Variants in SEMA3F observed in about 807,000 individuals in gnomAD.
SEMA3F encodes the protein semaphorin-3F.
SEMA3F carries 30 observed loss-of-function variants against 98.5 expected under a neutral mutation model. The ratio of observed to expected loss-of-function variants is 0.30; its 90% CI spans 0.23 to 0.41. The LOEUF (loss-of-function observed/expected upper bound fraction) is 0.41, where lower values mean the gene tolerates loss of function less well. Ranked by LOEUF, SEMA3F falls within the 10% of genes least tolerant of loss-of-function variation. The pLI, the probability that SEMA3F is intolerant of heterozygous loss-of-function variation, is 1.00. For missense variants in SEMA3F, 866 were observed against 1,119.3 expected, an observed-to-expected ratio of 0.77 and a Z score of 3.23; for synonymous variants, 380 against 444.8, an observed-to-expected ratio of 0.85 and a Z score of 1.83.
At position 50,188,176 on chromosome 3, in the gene SEMA3F, T is replaced by TAG. The variant is rs952623392; in HGVS notation, c.*62_*63insGA. The TAG allele has an allele frequency of 6.1e-6, 2 of 326,736 alleles. No homozygotes were observed. The highest frequency in any genetic ancestry group is 9.8e-6 in the Non-Finnish European group (2 of 203,632). 20.2% of individuals were successfully genotyped at this position (326,736 alleles called of 1,614,324 possible). ...CCCTTGTCCCTTTTAATATAAAAGA[T>TAG]ATATATATATATATATATATATAAA... On this transcript the variant is annotated 3_prime_UTR_variant, in exon 19 of 19. Transcript: ENST00000002829. The surrounding 1 kb of genome is among the most constrained non-coding windows in gnomAD (Gnocchi z 4.5).
intron 2 of SEMA3F, among the ~76,000 whole-genome samples, chr3:50,169,994 G>A (rs141250546): frequency 1.3e-5 from 2 of 152,326 alleles, no homozygotes; most frequent in Non-Finnish European, 2.9e-5. Flanking sequence ...CCTCATGGTG[G>A]AGTGGGGAGC....
At chr3:50,175,921 G>T (rs1352950992) in intron 6 of SEMA3F, among the ~76,000 whole-genome samples, 1 of 152,142 alleles carries the variant, frequency 6.6e-6, no homozygotes, top group Non-Finnish European at 1.5e-5. Context: ...GTAGCTGGAA[G>T]TAGGCCTGTG....
At position 50,188,043 on chromosome 3, in the gene SEMA3F, G is replaced by A. The variant is rs374846142; in HGVS notation, c.2286G>A (p.Gly762=). 5.9e-5 allele frequency: 94 copies of A among 1,592,062 alleles called. No homozygotes were observed. In the African/African-American group the frequency reaches 1.1e-3, roughly 19 times the overall value. ...HVPPSPREAP[G]APRSPEPQDQ... is the part of the protein sequence containing the mutation. Reference sequence around the variant, plus strand: ...CCCCCAGCCCCAGGGAGGCTCCAGGGGCACCCCGGTCTCCTGAGCCCCAGG... The same window carrying A: ...CCCCCAGCCCCAGGGAGGCTCCAGGAGCACCCCGGTCTCCTGAGCCCCAGG... The change falls in exon 19 of 19, where the codon GGG becomes GGA. Residue 762 remains glycine, a synonymous_variant. Transcript: ENST00000002829. The surrounding 1 kb of genome is among the most constrained non-coding windows in gnomAD (Gnocchi z 4.5).
rs1480659538 is a variant in SEMA3F at position 50,184,691 on chromosome 3, G to T, written c.1333G>T (p.Val445Leu). 1 of 1,614,126 alleles carries T rather than the reference G, an allele frequency of 6.2e-7. No individual in the cohort carries two copies. The highest frequency in any genetic ancestry group is 1.7e-5 in the Admixed American group (1 of 60,020). Residue 445 changes from valine to leucine, a missense_variant, in exon 13 of 19, where the codon GTG becomes TTG. Coordinates refer to ENST00000002829, the MANE Select transcript of SEMA3F (RefSeq NM_004186.5). ...MRSHPLMYQAVYPLQRRPLVV... is the reference protein window; with the variant it reads ...MRSHPLMYQALYPLQRRPLVV... ...CAGCCACCCACTCATGTACCAGGCC[G>T]TGTACCCTCTGCAGCGGCGGCCCCT... is the stretch of plus-strand genomic sequence containing the variant.
At position 50,166,244 on chromosome 3, in the gene SEMA3F, G is replaced by A. The variant is rs1698399678; in HGVS notation, c.112+6510G>A. Reference sequence around the variant, plus strand: ...TTCCCACTTGGGGCTCGGTGCTGATGCCCTCATTTCCCCCGGCCAGAGTCC... The same window carrying A: ...TTCCCACTTGGGGCTCGGTGCTGATACCCTCATTTCCCCCGGCCAGAGTCC... On this transcript the variant is annotated intron_variant, in intron 2 of 18. Coordinates refer to ENST00000002829, the MANE Select transcript of SEMA3F (RefSeq NM_004186.5). This position sits in a 1 kb window ranked among gnomAD's most constrained non-coding sequence, Gnocchi z 4.7. 6.6e-6 allele frequency among the ~76,000 whole-genome samples: 1 copy of A among 152,106 alleles called. No homozygotes were observed. Among genetic ancestry groups the A allele is most frequent in the African/African-American group, 2.4e-5 (1 of 41,414 alleles).
At chr3:50,176,011 C>T (rs552567579) in intron 6 of SEMA3F, among the ~76,000 whole-genome samples, 2 of 152,260 alleles carry the variant, frequency 1.3e-5, no homozygotes, top group African/African-American at 4.8e-5. Context: ...CTTTCCTTCC[C>T]TCTGCCTGGC....
At chr3:50,179,059 G>A (rs1698924646) in intron 7 of SEMA3F, among the ~76,000 whole-genome samples, 2 of 151,928 alleles carry the variant, frequency 1.3e-5, no homozygotes, top group African/African-American at 4.8e-5. Context: ...TCCTGACCTC[G>A]TGATCCACCT....
chr3:50,160,776 C>T (rs1698174761), intron 2 of SEMA3F, among the ~76,000 whole-genome samples: 1 of 152,230 alleles, frequency 6.6e-6, no homozygotes, highest in African/African-American at 2.4e-5. Flanking sequence ...CAGCCCTCAC[C>T]TCACCATGTC....
chr3:50,155,309 AG>A, upstream of SEMA3F: 1 of 308,996 alleles, frequency 3.2e-6, no homozygotes, highest in East Asian at 5.5e-5. The surrounding 1 kb of genome is among the most constrained non-coding windows in gnomAD (Gnocchi z 4.9). Context: ...AGCCCACCCC[AG>A]GGGAGGCGGC....
At chr3:50,175,266 C>A in intron 6 of SEMA3F, 78 bp downstream of exon 6, 1 of 1,008,296 alleles carries the variant, frequency 9.9e-7, no homozygotes, top group South Asian at 1.4e-5. Flanking sequence ...CACCTGAGGC[C>A]AGCCTCCCCA....
chr3:50,170,085 A>G (rs1698547010), intron 2 of SEMA3F, among the ~76,000 whole-genome samples: 1 of 152,126 alleles, frequency 6.6e-6, no homozygotes, highest in African/African-American at 2.4e-5. Flanking sequence ...CTGGGGGTGC[A>G]GGGCTGTCAC....
At chr3:50,159,368 G>C (rs1698117341) in intron 1 of SEMA3F, 1 of 457,704 alleles carries the variant, frequency 2.2e-6, no homozygotes, top group South Asian at 3.9e-5. Context: ...CATCAGTTCT[G>C]GTGACCCCAG....
chr3:50,178,154 A>C (rs1178023117), intron 7 of SEMA3F, among the ~76,000 whole-genome samples: 1 of 152,084 alleles, frequency 6.6e-6, no homozygotes, highest in Non-Finnish European at 1.5e-5. Flanking sequence ...AGGCAGGAGA[A>C]TCACTTGAAC....
chr3:50,172,409 C>T (rs1451173716), intron 2 of SEMA3F, among the ~76,000 whole-genome samples: 1 of 152,114 alleles, frequency 6.6e-6, no homozygotes, highest in Non-Finnish European at 1.5e-5. Context: ...GGCTCTCCCT[C>T]CCCTTGGAGG....
At chr3:50,174,474 A>G (rs1006664722) in intron 5 of SEMA3F, 124 bp downstream of exon 5, 3 of 1,166,734 alleles carry the variant, frequency 2.6e-6, no homozygotes, top group African/African-American at 3.1e-5. Flanking sequence ...TGGGTGAGTG[A>G]CTTCTTTCAC....
intron 7 of SEMA3F, among the ~76,000 whole-genome samples, chr3:50,180,417 AAGTGCTAG>A (rs1698974536): frequency 6.6e-6 from 1 of 152,032 alleles, no homozygotes; most frequent in African/African-American, 2.4e-5. Context: ...CAGCCTCCCA[AAGTGCTAG>A]GATTACAGGC....
rs775992146 is a variant in SEMA3F, at chr3:50,185,860, A to C, written c.1588-29A>C. The C allele has an allele frequency of 2.6e-5, 41 of 1,607,370 alleles. No homozygotes were observed. The Admixed American group carries it at 5.8e-4, about 23-fold the overall frequency. ...TTGGTGGGGCTGGCTATGGGACAGG[A>C]ACTGACAAGGCCCTACCCTTTGCCC... On this transcript the variant is annotated intron_variant, in intron 15 of 18. Transcript: ENST00000002829.
At chr3:50,175,258 C>G (rs568142026) in intron 6 of SEMA3F, 70 bp downstream of exon 6, 1 of 1,134,260 alleles carries the variant, frequency 8.8e-7, no homozygotes, top group Non-Finnish European at 1.3e-6. Context: ...TGGGCCTGCA[C>G]CTGAGGCCAG....
Position 50,182,135 on chromosome 3 carries a change from TG to T in SEMA3F, c.644-148del, listed in dbSNP as rs1252489165. The T allele has an allele frequency of 2.2e-6, 2 of 930,084 alleles. No homozygotes were observed. Among genetic ancestry groups the T allele is most frequent in the Admixed American group, 4.5e-5 (2 of 44,546 alleles). The allele number at this position is 930,084 out of a possible 1,614,324, so 57.6% of individuals were successfully genotyped here. On this transcript the variant is annotated intron_variant, in intron 7 of 18. Coordinates refer to ENST00000002829, the MANE Select transcript of SEMA3F (RefSeq NM_004186.5). The surrounding 1 kb of genome is among the most constrained non-coding windows in gnomAD (Gnocchi z 4.5). ...ATCCCAACCCTCCCAGAGCCAGTGGTGAAACACTGACCAGCACTCCACTGGA... is the reference window on the plus strand; with the variant it reads ...ATCCCAACCCTCCCAGAGCCAGTGGTAAACACTGACCAGCACTCCACTGGA...
Sources: allele counts gnomAD v4.1 joint callset (sites outside exome capture counted in the v4.1 genomes callset), GRCh38; gene constraint gnomAD v4.1.1; non-coding constraint Gnocchi (gnomAD v3.1); transcripts MANE v1.5; gene names NCBI Gene and HGNC (gene_info 2026-07-23, HGNC 2026-07-21).